The following DYTN variants were observed in gnomAD, a reference collection of about 807,000 sequenced individuals.
The protein encoded by DYTN is dystrotelin.
Under a neutral mutation model 69.6 loss-of-function variants are expected in DYTN, and 75 were observed. The ratio of observed to expected loss-of-function variants is 1.08; its 90% CI spans 0.89 to 1.31. The LOEUF (loss-of-function observed/expected upper bound fraction) is 1.31. DYTN is among the 50% of genes most tolerant of loss of function. The pLI is 0.00. For missense variants in DYTN, 726 were observed against 688.4 expected (o/e 1.05, Z -0.61); for synonymous variants, 252 against 249.1 (o/e 1.01, Z -0.11).
intron 9 of DYTN, among the ~76,000 whole-genome samples, chr2:206,679,518 T>C (rs1699726999): frequency 6.6e-6 from 1 of 152,180 alleles, no homozygotes; most frequent in Admixed American, 6.5e-5. Context: ...TCACGTCAAA[T>C]CTGAAAGAAC....
rs999528540 is a variant in DYTN, at chr2:206,694,841, G to A, written c.756C>T (p.Cys252=). Residue 252 remains cysteine (C), a synonymous_variant, in exon 8 of 12, where the codon TGC becomes TGT. Transcript: ENST00000452335. ...GAAGACCAGATAAGAAACACATCTG[G>A]CAGATGTCAAAGTTGAGACACTTCA... ...RCLKCLNFDI[C]QMCFLSGLHS... 4 of 1,610,164 alleles carry A rather than the reference G, an allele frequency of 2.5e-6. No individual in the cohort carries two copies. The highest frequency in any genetic ancestry group is 2.2e-5 in the East Asian group (1 of 44,774).
chr2:206,686,719 C>T (rs1442531949), intron 9 of DYTN: 1 of 152,392 alleles, frequency 6.6e-6, no homozygotes, highest in African/African-American at 2.4e-5. Context: ...TCTGTGGCAT[C>T]ATTGGCATAG....
chr2:206,681,199 C>T (rs541454077), intron 9 of DYTN, among the ~76,000 whole-genome samples: 2 of 152,214 alleles, frequency 1.3e-5, no homozygotes, highest in East Asian at 3.9e-4. Context: ...TATAGGAATA[C>T]TTGTGATTTT....
intron 8 of DYTN, 37 bp downstream of exon 8, chr2:206,694,729 A>G (rs747578827): frequency 2.6e-6 from 4 of 1,528,760 alleles, no homozygotes; most frequent in African/African-American, 1.4e-5. Context: ...TACTGAATTG[A>G]TTAATGAATA....
Position 206,663,104 on chromosome 2 carries a change from T to C in DYTN, c.1432A>G (p.Ser478Gly). Residue 478 changes from serine (S) to glycine (G), a missense_variant, in exon 11 of 12, where the codon AGT becomes GGT. Transcript: ENST00000452335. ...CCCTCCTGATAACTGGGTAGGGCAC[T>C]AATGACTTTCTGTGGCATCTTTTGT... ...QTQKMPQKVI[S>G]ALPSYQEGLK... 1 of 1,613,924 alleles carries C rather than the reference T, an allele frequency of 6.2e-7. No individual in the cohort carries two copies. The highest frequency in any genetic ancestry group is 8.5e-7 in the Non-Finnish European group (1 of 1,179,878).
At chr2:206,691,343 G>A (rs1699860511) in intron 9 of DYTN, among the ~76,000 whole-genome samples, 4 of 151,990 alleles carry the variant, frequency 2.6e-5, no homozygotes. Flanking sequence ...AACCTAGAAG[G>A]CAGAGGTCGC....
At chr2:206,670,776 A>G (rs1699621702) in intron 9 of DYTN, among the ~76,000 whole-genome samples, 1 of 152,220 alleles carries the variant, frequency 6.6e-6, no homozygotes, top group Non-Finnish European at 1.5e-5. Context: ...AAGTTAAAAC[A>G]GTTTTAGGTT....
At chr2:206,706,251 G>A (rs193084964) in intron 3 of DYTN, among the ~76,000 whole-genome samples, 136 of 151,576 alleles carry the variant, frequency 9.0e-4, no homozygotes, top group African/African-American at 3.0e-3. Flanking sequence ...GCAGGCACAG[G>A]AACAAATATT....
intron 11 of DYTN, among the ~76,000 whole-genome samples, chr2:206,659,569 G>A (rs1229612086): frequency 6.7e-6 from 1 of 150,208 alleles, no homozygotes; most frequent in African/African-American, 2.4e-5. Flanking sequence ...CCATGATAGA[G>A]ATAGAGGCAA....
At chr2:206,716,773 A>T (rs1381417509) in intron 1 of DYTN, among the ~76,000 whole-genome samples, 1 of 152,072 alleles carries the variant, frequency 6.6e-6, no homozygotes, top group Admixed American at 6.6e-5. Flanking sequence ...TCTCAGATGC[A>T]CCAAGCAGAT....
chr2:206,657,138 T>C (rs1367799636), intron 11 of DYTN, among the ~76,000 whole-genome samples: 1 of 152,178 alleles, frequency 6.6e-6, no homozygotes, highest in Non-Finnish European at 1.5e-5. Context: ...ATTTTAGAGA[T>C]GGGATCTTGT....
intron 9 of DYTN, among the ~76,000 whole-genome samples, chr2:206,684,847 G>A (rs1166431768): frequency 6.6e-6 from 1 of 151,814 alleles, no homozygotes; most frequent in Non-Finnish European, 1.5e-5. Context: ...TGTCATATGA[G>A]CATAAAAGAT....
chr2:206,683,624 A>G (rs1212769231), intron 9 of DYTN, among the ~76,000 whole-genome samples: 3 of 151,988 alleles, frequency 2.0e-5, no homozygotes, highest in Admixed American at 2.0e-4. Flanking sequence ...GATTACAGGC[A>G]TGAGCCACCG....
chr2:206,691,287 C>T lies in DYTN; in HGVS notation c.980+1888G>A, dbSNP rs554441598. Among the ~76,000 whole-genome samples, 103 of 152,166 alleles carry T rather than the reference C, an allele frequency of 6.8e-4. 1 individual carries two copies. In the Middle Eastern group the frequency reaches 0.01, roughly 15 times the overall value. On this transcript the variant is annotated intron_variant, in intron 9 of 11. Transcript: ENST00000452335. ...AATTAGTCAGTTGTGGTGGCAGGTG[C>T]CTGTAATCCCAGCTGCTCAGGAGGC... is the stretch of plus-strand genomic sequence containing the variant.
At chr2:206,666,892 C>A (rs1699578403) in intron 9 of DYTN, among the ~76,000 whole-genome samples, 1 of 146,162 alleles carries the variant, frequency 6.8e-6, no homozygotes, top group Admixed American at 6.9e-5. Flanking sequence ...CACACACACA[C>A]ACACAAATTA....
At chr2:206,685,987 A>G (rs112408807) in intron 9 of DYTN, among the ~76,000 whole-genome samples, 1,267 of 50,280 alleles carry the variant, frequency 0.025, 20 homozygotes, top group South Asian at 0.19. Context: ...TAGAGTGCGG[A>G]AAAAAAAAAA....
intron 2 of DYTN, among the ~76,000 whole-genome samples, chr2:206,707,981 C>T (rs1208504650): frequency 1.3e-5 from 2 of 152,244 alleles, no homozygotes; most frequent in African/African-American, 2.4e-5. Context: ...AAGCAATTGC[C>T]GTAGTTAAAT....
Position 206,707,316 on chromosome 2 carries a change from C to G in DYTN, c.282G>C (p.Thr94=). Residue 94 remains threonine (T), a synonymous_variant, in exon 3 of 12, where the codon ACG becomes ACC. Transcript: ENST00000452335. The part of the protein sequence containing the change: ...RAPELTLSLL[T]TMYNSKGTGF... ...CACACCCTCACCTGTTGTACATTGT[C>G]GTGAGAAGGCTCAGAGTGAGTTCCG... 6.2e-7 allele frequency: 1 copy of G among 1,611,790 alleles called. No individual in the cohort carries two copies. Among genetic ancestry groups the G allele is most frequent in the South Asian group, 1.1e-5 (1 of 90,190 alleles).
intron 8 of DYTN, among the ~76,000 whole-genome samples, chr2:206,694,043 GTTAA>G: frequency 6.6e-6 from 1 of 152,326 alleles, no homozygotes; most frequent in African/African-American, 2.4e-5. Flanking sequence ...CCTTGGCAAA[GTTAA>G]TTAGTCAACA....
Sources: allele counts gnomAD v4.1 joint callset (sites outside exome capture counted in the v4.1 genomes callset), GRCh38; gene constraint gnomAD v4.1.1; transcripts MANE v1.5; gene names NCBI Gene and HGNC (gene_info 2026-07-23, HGNC 2026-07-21).